Variants in PLB1 observed in about 807,000 individuals in gnomAD.
PLB1 encodes phospholipase B1.
Under a neutral mutation model 227.4 loss-of-function variants are expected in PLB1, and 242 were observed. The observed-to-expected ratio is 1.06, with a 90% confidence interval of 0.96 to 1.18. The LOEUF (loss-of-function observed/expected upper bound fraction) is 1.18. PLB1 is among the 50% of genes most tolerant of loss of function. PLB1 has a pLI of 0.00. For missense variants in PLB1, 1,858 were observed against 1,816.3 expected (o/e 1.02, Z -0.42); for synonymous variants, 757 against 682.2 (o/e 1.11, Z -1.71).
chr2:28,605,937 TG>T lies in PLB1; in HGVS notation c.3048del (p.Trp1016Ter). The T allele has an allele frequency of 1.9e-6, 3 of 1,607,572 alleles. No individual in the cohort carries two copies. The highest frequency in any genetic ancestry group is 2.6e-6 in the Non-Finnish European group (3 of 1,174,076). On this transcript the variant is annotated frameshift_variant, in exon 42 of 58. Transcript: ENST00000327757. LOFTEE classifies it high-confidence loss of function. ...KFHSQLARAL[W>X]TNMLEPLGSK... ...CCACTCCCAGCTGGCCAGAGCCCTT[TG>T]GACCAATATGGTAAAATAAGTGGGG...
chr2:28,624,869 CA>C (rs1300033526), intron 49 of PLB1, among the ~76,000 whole-genome samples, 187 bp from the exon 50 acceptor site: 1 of 152,170 alleles, frequency 6.6e-6, no homozygotes, highest in Non-Finnish European at 1.5e-5. Context: ...GGGGCTAGAT[CA>C]ATGTGGCTCC....
chr2:28,511,897 G>C (rs1250665314), intron 1 of PLB1, among the ~76,000 whole-genome samples: 1 of 148,418 alleles, frequency 6.7e-6, no homozygotes, highest in East Asian at 2.0e-4. Flanking sequence ...TAATTCTCCT[G>C]CTTCAGCCTT....
chr2:28,500,817 C>T (rs1667010722), intron 1 of PLB1, among the ~76,000 whole-genome samples: 1 of 152,100 alleles, frequency 6.6e-6, no homozygotes. Context: ...GTAATCCAGG[C>T]CTGTTATTTT....
In PLB1 at chr2:28,541,705, A is replaced by C. The variant is rs200951919; in HGVS notation, c.775-2A>C. The C allele has an allele frequency of 2.0e-4, 325 of 1,613,172 alleles. No individual in the cohort carries two copies. Among genetic ancestry groups the C allele is most frequent in the Non-Finnish European group, 5.8e-5 (69 of 1,179,504 alleles). On this transcript the variant is annotated splice_acceptor_variant, in intron 12 of 57. Coordinates refer to ENST00000327757, the MANE Select transcript of PLB1 (RefSeq NM_153021.5). LOFTEE classifies it high-confidence loss of function. ...TGGGCACCTCTCTGCTCCCTTCTCC[A>C]GGAAGCCTGGAACAGCCTCCTGGCC...
intron 51 of PLB1, among the ~76,000 whole-genome samples, chr2:28,627,877 C>A (rs1688025893): frequency 6.6e-6 from 1 of 152,186 alleles, no homozygotes; most frequent in South Asian, 2.1e-4. Flanking sequence ...ACCACCCGCA[C>A]CCCCACTGGT....
intron 1 of PLB1, among the ~76,000 whole-genome samples, chr2:28,497,356 G>A (rs887304951): frequency 1.3e-5 from 2 of 152,222 alleles, no homozygotes; most frequent in South Asian, 2.1e-4. Context: ...GCTCGCTGTA[G>A]CGAGACATCA....
At chr2:28,604,338 T>C (rs1684346324) in intron 40 of PLB1, among the ~76,000 whole-genome samples, 1 of 152,186 alleles carries the variant, frequency 6.6e-6, no homozygotes, top group South Asian at 2.1e-4. Context: ...TGAGACCACC[T>C]TTCCCTCCCC....
chr2:28,563,089 ACT>A lies in PLB1; in HGVS notation c.1202_1203del (p.Leu401HisfsTer31), dbSNP rs958289699. On this transcript the variant is annotated frameshift_variant, in exon 18 of 58. Coordinates refer to ENST00000327757, the MANE Select transcript of PLB1 (RefSeq NM_153021.5). LOFTEE classifies it high-confidence loss of function. ...ATCAACGTAATTGGAGCCCTGGGTG[ACT>A]CTCTCACGGTAAGTGACCCTGATGC... The A allele has an allele frequency of 1.1e-5, 17 of 1,612,548 alleles. No individual in the cohort carries two copies. Among genetic ancestry groups the A allele is most frequent in the Admixed American group, 6.7e-5 (4 of 59,908 alleles).
At chr2:28,585,707 A>AT (rs1680791063) in intron 25 of PLB1, 54 bp from the exon 26 acceptor site, 2 of 1,393,822 alleles carry the variant, frequency 1.4e-6, no homozygotes, top group Non-Finnish European at 2.0e-6. Context: ...TGCATCACTT[A>AT]TTCAGGATGG....
chr2:28,563,449 C>T (rs1676363992), intron 18 of PLB1, among the ~76,000 whole-genome samples: 1 of 151,940 alleles, frequency 6.6e-6, no homozygotes, highest in South Asian at 2.1e-4. Context: ...ATCTCCAGAC[C>T]ATGGTGTAGA....
chr2:28,506,744 C>G (rs1667675277), intron 1 of PLB1, among the ~76,000 whole-genome samples: 6 of 152,082 alleles, frequency 3.9e-5, no homozygotes. Flanking sequence ...CCTCCAGCTC[C>G]AGACATAAAA....
chr2:28,575,620 G>A (rs1009165384), intron 21 of PLB1, among the ~76,000 whole-genome samples: 9 of 152,124 alleles, frequency 5.9e-5, no homozygotes, highest in Admixed American at 3.3e-4. Context: ...GCCCAGGCTG[G>A]AGTGCAGTGG....
In PLB1 at chr2:28,528,550, A is replaced by G. The variant is rs75047886; in HGVS notation, c.326-767A>G. ...CCAGCATCACTTTCTCTAATGAGGC[A>G]GTAGCACATGACAGTGAAAAGCCTT... On this transcript the variant is annotated intron_variant, in intron 6 of 57. Transcript: ENST00000327757. Among the ~76,000 whole-genome samples the G allele has an allele frequency of 4.0e-4, 61 of 152,356 alleles. No individual in the cohort carries two copies. The East Asian group carries it at 0.012, about 29-fold the overall frequency.
chr2:28,525,590 T>C (rs1670131285), intron 5 of PLB1, among the ~76,000 whole-genome samples: 1 of 152,144 alleles, frequency 6.6e-6, no homozygotes, highest in Admixed American at 6.5e-5. Context: ...CTCTACTTGC[T>C]CTGCTCTTGG....
chr2:28,589,616 T>G, intron 27 of PLB1, 59 bp from the exon 28 acceptor site: 1 of 1,607,180 alleles, frequency 6.2e-7, no homozygotes, highest in Admixed American at 1.7e-5. Context: ...TGTTTCTGAG[T>G]GTCACTTATA....
intron 1 of PLB1, among the ~76,000 whole-genome samples, chr2:28,514,472 G>A (rs1392963081): frequency 1.3e-5 from 2 of 152,030 alleles, no homozygotes; most frequent in Admixed American, 6.6e-5. Flanking sequence ...TATCCACAAA[G>A]GTTTCTACGT....
At chr2:28,548,230 C>T (rs1673604635) in intron 14 of PLB1, among the ~76,000 whole-genome samples, 1 of 152,086 alleles carries the variant, frequency 6.6e-6, no homozygotes, top group Admixed American at 6.6e-5. Context: ...CTCTATTGTG[C>T]GCAGATTTAC....
chr2:28,604,767 C>A lies in PLB1; in HGVS notation c.2961+8C>A, dbSNP rs1421582413. 1.2e-6 allele frequency: 2 copies of A among 1,611,592 alleles called. No homozygotes were observed. The highest frequency in any genetic ancestry group is 8.5e-7 in the Non-Finnish European group (1 of 1,178,124). On this transcript the variant is annotated splice_region_variant and intron_variant, in intron 41 of 57. Coordinates refer to ENST00000327757, the MANE Select transcript of PLB1 (RefSeq NM_153021.5). ...CAGCTCCCTGTCCTGGCGGTATGTC[C>A]CCTGCCCTCACCCATGGTACTCTTT...
In PLB1 at chr2:28,590,061, C is replaced by T. The variant is rs774350142; in HGVS notation, c.2073C>T (p.Ile691=). 39 of 1,612,660 alleles carry T rather than the reference C, an allele frequency of 2.4e-5. No individual in the cohort carries two copies. The South Asian group carries it at 3.4e-4, about 14-fold the overall frequency. Reference sequence around the variant, plus strand: ...ATAAGTTTGAAAACAAGATCAATATCACATGTCCGAACCAGGTAGAGTGGA... The same window carrying T: ...ATAAGTTTGAAAACAAGATCAATATTACATGTCCGAACCAGGTAGAGTGGA... ...TRHKFENKIN[I]TCPNQVQPFL... The change falls in exon 29 of 58, where the codon ATC becomes ATT. Residue 691 remains isoleucine (I), a synonymous_variant. Coordinates refer to ENST00000327757, the MANE Select transcript of PLB1 (RefSeq NM_153021.5).
Sources: allele counts gnomAD v4.1 joint callset (sites outside exome capture counted in the v4.1 genomes callset), GRCh38; gene constraint gnomAD v4.1.1; transcripts MANE v1.5; gene names NCBI Gene and HGNC (gene_info 2026-07-23, HGNC 2026-07-21).